TBCD: variants seen among roughly 807,000 people sequenced by gnomAD.
TBCD encodes the protein tubulin folding cofactor D.
TBCD carries 105 observed loss-of-function variants against 169.3 expected under a neutral mutation model. The observed-to-expected ratio is 0.62, with a 90% CI of 0.53 to 0.73. The LOEUF is 0.73. Ranked by LOEUF, TBCD falls within the 30% of genes least tolerant of loss-of-function variation. The pLI, the probability that TBCD is intolerant of heterozygous loss-of-function variation, is 0.00. For missense variants in TBCD, 1,444 were observed against 1,600.1 expected (o/e 0.90, Z 1.66); for synonymous variants, 700 against 643.9 (o/e 1.09, Z -1.32).
At chr17:82,849,528 T>C (rs766990335) in intron 13 of TBCD, among the ~76,000 whole-genome samples, 14 of 152,194 alleles carry the variant, frequency 9.2e-5, no homozygotes, top group Non-Finnish European at 1.8e-4. Context: ...TTTTTGATGG[T>C]GTCTTTTTAG....
Position 82,782,636 on chromosome 17 carries a change from G to A in TBCD, c.771+915G>A, listed in dbSNP as rs943408992. 3.3e-5 allele frequency among the ~76,000 whole-genome samples: 5 copies of A among 152,192 alleles called. No individual in the cohort carries two copies. Among genetic ancestry groups the A allele is most frequent in the African/African-American group, 4.8e-5 (2 of 41,454 alleles). ...GCTGGGATTACAGGCTTGAGCCGCC[G>A]CGCCTGGAAGGACACTTTGGAGCGC... is the stretch of plus-strand genomic sequence containing the variant. On this transcript the variant is annotated intron_variant, in intron 7 of 38. Coordinates refer to ENST00000355528, the MANE Select transcript of TBCD (RefSeq NM_005993.5). This position sits in a 1 kb window ranked among gnomAD's most constrained non-coding sequence, Gnocchi z 5.1.
intron 38 of TBCD, chr17:82,942,216 C>T (rs922050007): frequency 3.0e-5 from 18 of 593,256 alleles, no homozygotes; most frequent in Admixed American, 2.4e-4. Flanking sequence ...AAGAGCAGTG[C>T]AGTGAACCTC....
intron 3 of TBCD, 52 bp downstream of exon 3, chr17:82,764,114 G>A: frequency 1.4e-6 from 2 of 1,380,642 alleles, no homozygotes; most frequent in Non-Finnish European, 2.0e-6. Flanking sequence ...TAATATACTT[G>A]GTCCAGAGGT....
intron 13 of TBCD, among the ~76,000 whole-genome samples, chr17:82,862,920 G>A (rs978438723): frequency 6.6e-6 from 1 of 152,242 alleles, no homozygotes; most frequent in African/African-American, 2.4e-5. Flanking sequence ...TGTGACTGTC[G>A]ATGAGAGCTC....
chr17:82,876,325 C>CT (rs1179101323), intron 14 of TBCD, among the ~76,000 whole-genome samples: 1 of 152,142 alleles, frequency 6.6e-6, no homozygotes, highest in Non-Finnish European at 1.5e-5. Flanking sequence ...GCGAGGACAC[C>CT]TAGGGCACGT....
At chr17:82,813,125 A>G (rs1170439514) in intron 12 of TBCD, among the ~76,000 whole-genome samples, 1 of 152,064 alleles carries the variant, frequency 6.6e-6, no homozygotes, top group African/African-American at 2.4e-5. Flanking sequence ...CCTGGCTAAA[A>G]TTGTCTCTTT....
At chr17:82,925,851 G>A (rs2061700478) in intron 27 of TBCD, among the ~76,000 whole-genome samples, 2 of 152,202 alleles carry the variant, frequency 1.3e-5, no homozygotes, top group Middle Eastern at 3.2e-3. Flanking sequence ...CAAAAGGGGG[G>A]GACCTCAGGT....
chr17:82,830,543 C>G (rs2053399509), intron 13 of TBCD: 1 of 1,614,034 alleles, frequency 6.2e-7, no homozygotes. Context: ...GGCCCATCCT[C>G]AGAACCTTCT....
intron 5 of TBCD, among the ~76,000 whole-genome samples, chr17:82,769,057 G>A (rs2048171164): frequency 6.6e-6 from 1 of 152,090 alleles, no homozygotes; most frequent in East Asian, 1.9e-4. Flanking sequence ...TTATCTATTG[G>A]ATCATAACTA....
intron 13 of TBCD, among the ~76,000 whole-genome samples, chr17:82,851,479 A>C (rs2055783649): frequency 6.6e-6 from 1 of 152,196 alleles, no homozygotes; most frequent in Non-Finnish European, 1.5e-5. Flanking sequence ...GAATAAACAC[A>C]ACCAAGCAGA....
rs747373717 is a variant in TBCD at position 82,815,781 on chromosome 17, G to A, written c.1318+847G>A. ...CTTCCCAGTGTGGAGCTGTGGTGGCGTCTGAAGTGACCGCTTTGCACTTGG... is the reference window on the plus strand; with the variant it reads ...CTTCCCAGTGTGGAGCTGTGGTGGCATCTGAAGTGACCGCTTTGCACTTGG... On this transcript the variant is annotated intron_variant, in intron 13 of 38. Coordinates refer to ENST00000355528, the MANE Select transcript of TBCD (RefSeq NM_005993.5). Among the ~76,000 whole-genome samples, 136 of 152,322 alleles carry A rather than the reference G, an allele frequency of 8.9e-4. 2 individuals are homozygous for A. Among genetic ancestry groups the A allele is most frequent in the Admixed American group, 9.8e-4 (15 of 15,304 alleles).
intron 13 of TBCD, among the ~76,000 whole-genome samples, chr17:82,820,462 C>G (rs2052323815): frequency 6.6e-6 from 1 of 152,220 alleles, no homozygotes; most frequent in South Asian, 2.1e-4. Context: ...GTAATAATAA[C>G]TAGCACTTGG....
intron 9 of TBCD, among the ~76,000 whole-genome samples, chr17:82,803,510 C>T (rs947661975): frequency 6.6e-6 from 1 of 152,194 alleles, no homozygotes; most frequent in Non-Finnish European, 1.5e-5. Context: ...CAGCAGCTCT[C>T]TTCTCCCCAA....
chr17:82,838,616 G>A (rs1567865427), intron 13 of TBCD: 7 of 984,374 alleles, frequency 7.1e-6, no homozygotes, highest in Non-Finnish European at 4.8e-6. Context: ...TCGCAAGAAC[G>A]AGATTTGTGA....
At chr17:82,795,328 C>T (rs777925302) in intron 7 of TBCD, among the ~76,000 whole-genome samples, 3 of 152,014 alleles carry the variant, frequency 2.0e-5, no homozygotes, top group Non-Finnish European at 2.9e-5. Context: ...CCGGGGGACA[C>T]GATAGCCTGT....
intron 13 of TBCD, among the ~76,000 whole-genome samples, chr17:82,844,340 G>T (rs941859140): frequency 6.6e-6 from 1 of 151,954 alleles, no homozygotes; most frequent in African/African-American, 2.4e-5. Flanking sequence ...CTGCAGGAGC[G>T]CCATGCCATG....
Position 82,939,469 on chromosome 17 carries a change from A to G in TBCD, c.3472A>G (p.Thr1158Ala). The stretch of plus-strand genomic sequence containing the variant: ...CGAGGTGGTGACTGTGCTCAGTGAC[A>G]CTGCGTGGTGAGTGAAGGCCCTTCC... ...LDEVVTVLSD[T>A]AWDAELAVVR... Residue 1158 changes from threonine to alanine, a missense_variant, in exon 37 of 39, where the codon ACT becomes GCT. Thr to Ala is a moderately conservative substitution (Grantham distance 58). Transcript: ENST00000355528. The G allele has an allele frequency of 6.2e-7, 1 of 1,612,866 alleles. No individual in the cohort carries two copies. The highest frequency in any genetic ancestry group is 8.5e-7 in the Non-Finnish European group (1 of 1,179,490).
rs2058988294 is a variant in TBCD at position 82,889,575 on chromosome 17, GTCATTCAC to G, written c.1534-92_1534-85del. ...TTTTATTTAAAAAATAAAGCCGTGG[GTCATTCAC>G]GTTGTGCTGTTTGTTCTGAACTTGC... On this transcript the variant is annotated intron_variant, in intron 15 of 38. Transcript: ENST00000355528. The surrounding 1 kb of genome is among the most constrained non-coding windows in gnomAD (Gnocchi z 5.3). 1 of 1,472,998 alleles carries G rather than the reference GTCATTCAC, an allele frequency of 6.8e-7. No homozygotes were observed. Among genetic ancestry groups the G allele is most frequent in the Admixed American group, 1.8e-5 (1 of 56,714 alleles). The allele number at this position is 1,472,998 out of a possible 1,614,324, so 91.2% of individuals were successfully genotyped here.
At chr17:82,871,663 C>T (rs954529292) in intron 14 of TBCD, among the ~76,000 whole-genome samples, 1 of 152,214 alleles carries the variant, frequency 6.6e-6, no homozygotes, top group African/African-American at 2.4e-5. Context: ...CTGGGCGGGG[C>T]GGGGCGCCGG....
Sources: allele counts gnomAD v4.1 joint callset (sites outside exome capture counted in the v4.1 genomes callset), GRCh38; gene constraint gnomAD v4.1.1; non-coding constraint Gnocchi (gnomAD v3.1); transcripts MANE v1.5; gene names NCBI Gene and HGNC (gene_info 2026-07-23, HGNC 2026-07-21).